Variants in KCNH5 observed in about 807,000 individuals in gnomAD.
The protein encoded by KCNH5 is potassium voltage-gated channel subfamily H member 5, also known as voltage-gated delayed rectifier potassium channel KCNH5.
In KCNH5, 46 loss-of-function variants were observed where a neutral mutation model predicts 96.1. That is an observed-to-expected ratio of 0.48 (90% CI 0.38 to 0.61). The LOEUF is 0.61. Among genes scored for constraint, KCNH5 ranks in the 20% least tolerant of loss-of-function variants. The pLI, the probability that KCNH5 is intolerant of heterozygous loss-of-function variation, is 0.00. For missense variants in KCNH5, 907 were observed against 1,225.8 expected (o/e 0.74, Z 3.88); for synonymous variants, 439 against 449.8 (o/e 0.98, Z 0.30).
At chr14:62,817,267 T>C (rs1434182930) in intron 8 of KCNH5, among the ~76,000 whole-genome samples, 2 of 134,926 alleles carry the variant, frequency 1.5e-5, no homozygotes, top group Non-Finnish European at 1.5e-5. Context: ...ATATAATATA[T>C]ATATATACAC....
chr14:62,826,382 T>TTGTG (rs145393431), intron 8 of KCNH5, among the ~76,000 whole-genome samples: 3 of 141,656 alleles, frequency 2.1e-5, no homozygotes, highest in Non-Finnish European at 4.6e-5. Context: ...TGTTGAGATT[T>TTGTG]TGTGTGTGTG....
intron 10 of KCNH5, among the ~76,000 whole-genome samples, chr14:62,728,273 G>A (rs35003123): frequency 1.3e-5 from 2 of 151,022 alleles, no homozygotes; most frequent in Admixed American, 1.3e-4. Context: ...TGTAATCCCA[G>A]CTACTTGTGA....
At chr14:62,819,586 T>C (rs1349099850) in intron 8 of KCNH5, among the ~76,000 whole-genome samples, 1 of 152,206 alleles carries the variant, frequency 6.6e-6, no homozygotes, top group African/African-American at 2.4e-5. Context: ...TACTAAATTG[T>C]ACATTTTTAA....
intron 1 of KCNH5, among the ~76,000 whole-genome samples, chr14:63,023,229 T>C (rs1891463143): frequency 6.6e-6 from 1 of 151,732 alleles, no homozygotes; most frequent in Admixed American, 6.6e-5. Context: ...AAAATTAATG[T>C]TTATCTGCCT....
intron 7 of KCNH5, among the ~76,000 whole-genome samples, chr14:62,906,636 G>T (rs1889032867): frequency 6.6e-6 from 1 of 152,094 alleles, no homozygotes; most frequent in South Asian, 2.1e-4. Context: ...CTTTCTAATT[G>T]ATATTGTTAA....
chr14:62,832,124 A>AT (rs918263787), intron 8 of KCNH5, among the ~76,000 whole-genome samples: 50 of 152,292 alleles, frequency 3.3e-4, no homozygotes, highest in African/African-American at 1.2e-3. Context: ...TCTATATATT[A>AT]TTTTTTTAAA....
chr14:62,909,032 A>AT (rs58920666), intron 7 of KCNH5, among the ~76,000 whole-genome samples: 685 of 57,926 alleles, frequency 0.012, 89 homozygotes, highest in Admixed American at 0.017. Flanking sequence ...TATGCTACGT[A>AT]TTTTTTTTTT....
chr14:62,990,402 T>A (rs1178734956), intron 4 of KCNH5, among the ~76,000 whole-genome samples: 3 of 152,098 alleles, frequency 2.0e-5, no homozygotes, highest in Admixed American at 6.6e-5. Context: ...TACCTTAATT[T>A]ACACATGAAG....
chr14:62,768,629 T>A (rs760830514), intron 10 of KCNH5, among the ~76,000 whole-genome samples: 19 of 152,232 alleles, frequency 1.2e-4, no homozygotes, highest in Non-Finnish European at 2.5e-4. Context: ...TGTCTATCTT[T>A]TTACATTATG....
At chr14:62,968,585 T>C (rs1280116709) in intron 6 of KCNH5, among the ~76,000 whole-genome samples, 5 of 152,190 alleles carry the variant, frequency 3.3e-5, no homozygotes, top group Non-Finnish European at 7.4e-5. Flanking sequence ...ATATGCCCTA[T>C]AGTCTGTGAG....
intron 8 of KCNH5, among the ~76,000 whole-genome samples, chr14:62,838,384 T>C (rs566051594): frequency 2.0e-5 from 3 of 152,240 alleles, no homozygotes; most frequent in African/African-American, 4.8e-5. Flanking sequence ...TCTCTAACCC[T>C]GCATTAGATA....
In KCNH5 at chr14:62,876,893, C is replaced by T. The variant is rs530143103; in HGVS notation, c.1370-27041G>A. Among the ~76,000 whole-genome samples the T allele has an allele frequency of 8.5e-4, 129 of 152,306 alleles. 2 individuals carry two copies. The highest frequency in any genetic ancestry group is 4.1e-4 in the Non-Finnish European group (28 of 68,016). ...ACATAAAACAAAAAGAATACTGATT[C>T]TTACTTCACATTATATGTAAAAATT... On this transcript the variant is annotated intron_variant, in intron 7 of 10. Transcript: ENST00000322893.
At chr14:62,864,036 T>C (rs1403383612) in intron 7 of KCNH5, among the ~76,000 whole-genome samples, 1 of 152,162 alleles carries the variant, frequency 6.6e-6, no homozygotes, top group Non-Finnish European at 1.5e-5. Context: ...TTCTCCTTAC[T>C]TCTATTCTCT....
rs1469691376 is a variant in KCNH5, at chr14:62,704,620, T to C, written c.*2888A>G. 6.6e-6 allele frequency: 1 copy of C among 151,888 alleles called. No homozygotes were observed. Among genetic ancestry groups the C allele is most frequent in the African/African-American group, 2.4e-5 (1 of 41,442 alleles). 9.4% of individuals were successfully genotyped at this position (151,888 alleles called of 1,614,324 possible). A position where few individuals can be genotyped will look rare whatever the true frequency, so the allele number is the denominator to read the frequency against. On this transcript the variant is annotated 3_prime_UTR_variant, in exon 11 of 11. Transcript: ENST00000322893. ...TAACATCATAGAAAAATATTGAAGGTGTGTAAATTGCTTTGGAAAATGTTT... is the reference window on the plus strand; with the variant it reads ...TAACATCATAGAAAAATATTGAAGGCGTGTAAATTGCTTTGGAAAATGTTT...
intron 7 of KCNH5, among the ~76,000 whole-genome samples, chr14:62,909,309 T>C (rs1325984010): frequency 6.6e-6 from 1 of 151,786 alleles, no homozygotes; most frequent in Non-Finnish European, 1.5e-5. Context: ...CCTCCCAAAG[T>C]GCTGGGATTA....
chr14:62,947,593 T>G (rs1020653580), intron 7 of KCNH5, among the ~76,000 whole-genome samples: 1 of 152,150 alleles, frequency 6.6e-6, no homozygotes, highest in African/African-American at 2.4e-5. Flanking sequence ...GAAAACTACC[T>G]GCTTAGACTC....
At chr14:62,951,931 C>T (rs1594642141) in intron 6 of KCNH5, among the ~76,000 whole-genome samples, 1 of 139,968 alleles carries the variant, frequency 7.1e-6, no homozygotes, top group Non-Finnish European at 1.5e-5. Context: ...CCACTGCACC[C>T]CAGCCTGGGT....
At chr14:62,944,638 T>G (rs866909383) in intron 7 of KCNH5, among the ~76,000 whole-genome samples, 3 of 152,194 alleles carry the variant, frequency 2.0e-5, no homozygotes, top group Non-Finnish European at 4.4e-5. Flanking sequence ...TACAAAGAGC[T>G]ACAATATCCA....
chr14:62,958,075 T>C (rs1248130079), intron 6 of KCNH5, among the ~76,000 whole-genome samples: 2 of 152,206 alleles, frequency 1.3e-5, no homozygotes, highest in East Asian at 3.8e-4. Context: ...GCAATATAGA[T>C]ATCGCGTTAA....
Sources: allele counts gnomAD v4.1 joint callset (sites outside exome capture counted in the v4.1 genomes callset), GRCh38; gene constraint gnomAD v4.1.1; transcripts MANE v1.5; gene names NCBI Gene and HGNC (gene_info 2026-07-23, HGNC 2026-07-21).